Variants in SLC5A11 observed in about 807,000 individuals in gnomAD.
SLC5A11 encodes the protein sodium/myo-inositol cotransporter 2.
Under a neutral mutation model 69.8 loss-of-function variants are expected in SLC5A11, and 48 were observed. The ratio of observed to expected loss-of-function variants is 0.69; its 90% confidence interval spans 0.55 to 0.87. SLC5A11 has a LOEUF of 0.87. Among genes scored for constraint, SLC5A11 ranks in the 40% least tolerant of loss-of-function variants. The pLI is 0.00. For missense variants in SLC5A11, 784 were observed against 866.1 expected (o/e 0.91, Z 1.19); for synonymous variants, 319 against 342.4 (o/e 0.93, Z 0.75).
chr16:24,859,576 C>T (rs1454717618), intron 2 of SLC5A11, among the ~76,000 whole-genome samples: 1 of 152,086 alleles, frequency 6.6e-6, no homozygotes, highest in Non-Finnish European at 1.5e-5. Context: ...AGTACATAAG[C>T]GTGTGGTTCA....
At position 24,889,543 on chromosome 16, in the gene SLC5A11, A is replaced by ATTTTTTTTT. The variant is rs71156454; in HGVS notation, c.665-1307_665-1299dup. ...ATTAGACCTACTACAAGGTCTTACA[A>ATTTTTTTTT]TTTTTTTTTTTTTTTTTTTTTTTTT... On this transcript the variant is annotated intron_variant, in intron 8 of 15. Transcript: ENST00000347898. Among the ~76,000 whole-genome samples, 46 of 74,344 alleles carry ATTTTTTTTT rather than the reference A, an allele frequency of 6.2e-4. 7 individuals carry two copies. Among genetic ancestry groups the ATTTTTTTTT allele is most frequent in the African/African-American group, 2.5e-3 (45 of 18,140 alleles). 48.8% of individuals were successfully genotyped at this position (74,344 alleles called of 152,430 possible).
intron 7 of SLC5A11, among the ~76,000 whole-genome samples, chr16:24,881,901 A>G (rs1361187886): frequency 6.6e-6 from 1 of 152,200 alleles, no homozygotes; most frequent in Non-Finnish European, 1.5e-5. Flanking sequence ...AGGAAACAAA[A>G]TGAGCCTTAC....
At chr16:24,902,739 G>T (rs576422669) in intron 10 of SLC5A11, among the ~76,000 whole-genome samples, 1 of 152,018 alleles carries the variant, frequency 6.6e-6, no homozygotes, top group Admixed American at 6.6e-5. Context: ...GGGTTTCTCC[G>T]TGTTGGTCAG....
chr16:24,909,013 T>C, exon 14 of SLC5A11: 1 of 1,614,146 alleles, frequency 6.2e-7, no homozygotes, highest in Non-Finnish European at 8.5e-7. Context: ...TCACTACCTC[T>C]ACTTCTCCAT....
At chr16:24,872,576 C>T (rs959535943) in intron 5 of SLC5A11, among the ~76,000 whole-genome samples, 3 of 152,122 alleles carry the variant, frequency 2.0e-5, no homozygotes, top group African/African-American at 7.2e-5. Context: ...CAGGGTCTGG[C>T]TTTGTCCCCA....
intron 9 of SLC5A11, 50 bp from the exon 11 acceptor site, chr16:24,897,924 A>G (rs766237417): frequency 1.4e-5 from 22 of 1,601,140 alleles, no homozygotes; most frequent in Admixed American, 1.7e-5. Flanking sequence ...TGGGGACACA[A>G]CCAAACTATA....
At chr16:24,861,735 A>AAAAGAAAGAAAGAAAAAGAAGG (rs1708768837) in intron 2 of SLC5A11, among the ~76,000 whole-genome samples, 8 of 141,066 alleles carry the variant, frequency 5.7e-5, no homozygotes, top group Admixed American at 7.2e-5. Context: ...AGAAGAAAGA[A>AAAAGAAAGAAAGAAAAAGAAGG]AAAGAAAGAA....
chr16:24,860,951 C>T (rs2059744383), intron 2 of SLC5A11, among the ~76,000 whole-genome samples: 1 of 152,086 alleles, frequency 6.6e-6, no homozygotes, highest in South Asian at 2.1e-4. Flanking sequence ...TCGTGATCCG[C>T]CTGCCTCGGC....
At chr16:24,905,269 CAAAAAAAAAAAAAAAA>C (rs34703027) in intron 10 of SLC5A11, among the ~76,000 whole-genome samples, 1 of 80,428 alleles carries the variant, frequency 1.2e-5, no homozygotes, top group African/African-American at 5.1e-5. Flanking sequence ...ACTAAAAATA[CAAAAAAAAAAAAAAAA>C]AAAAAAAAAA....
intron 2 of SLC5A11, among the ~76,000 whole-genome samples, chr16:24,861,595 A>AAGGAAGGAAGGGAGGG (rs1201706720): frequency 2.8e-5 from 3 of 108,686 alleles, no homozygotes; most frequent in African/African-American, 8.2e-5. Context: ...AAGAGAAAGG[A>AAGGAAGGAAGGGAGGG]AGGAAGGAAG....
intron 3 of SLC5A11, among the ~76,000 whole-genome samples, chr16:24,868,147 A>G (rs1472489129): frequency 6.6e-6 from 1 of 151,786 alleles, no homozygotes; most frequent in East Asian, 1.9e-4. Context: ...AAAAAAAAAA[A>G]AAAAGTAAAG....
chr16:24,883,468 A>G (rs1416769720), intron 7 of SLC5A11, among the ~76,000 whole-genome samples: 1 of 152,218 alleles, frequency 6.6e-6, no homozygotes, highest in African/African-American at 2.4e-5. Context: ...GCTGTGTTAA[A>G]AAACCACCCA....
At chr16:24,855,155 C>T (rs2059472732) in intron 1 of SLC5A11, among the ~76,000 whole-genome samples, 1 of 151,988 alleles carries the variant, frequency 6.6e-6, no homozygotes, top group African/African-American at 2.4e-5. Flanking sequence ...TAATCTACTC[C>T]CTCTGCTATG....
chr16:24,867,189 C>A (rs1393460670), intron 3 of SLC5A11, among the ~76,000 whole-genome samples: 1 of 152,094 alleles, frequency 6.6e-6, no homozygotes, highest in Non-Finnish European at 1.5e-5. Context: ...TGTTGTCTAT[C>A]CACAGTGGAA....
At chr16:24,900,759 T>C (rs926592998) in intron 10 of SLC5A11, among the ~76,000 whole-genome samples, 5 of 151,740 alleles carry the variant, frequency 3.3e-5, no homozygotes, top group Non-Finnish European at 4.4e-5. Flanking sequence ...CCAAAAACAA[T>C]TTTTAAAAAT....
chr16:24,854,739 C>G (rs1314713225), intron 1 of SLC5A11, among the ~76,000 whole-genome samples: 1 of 151,954 alleles, frequency 6.6e-6, no homozygotes, highest in East Asian at 1.9e-4. Context: ...GCCTCCTCCC[C>G]TGTAAAGTCT....
chr16:24,909,118 G>C lies in SLC5A11; in HGVS notation c.1650+22G>C, dbSNP rs116855330. On this transcript the variant is annotated intron_variant, in intron 14 of 15. Coordinates refer to ENST00000347898, the Ensembl canonical transcript of SLC5A11. ...GATGGTACATTTGGGCTGATGGCTA[G>C]ATCCGTTGAGACTTTTTGTTGGAAG... The C allele has an allele frequency of 6.9e-4, 1,102 of 1,608,356 alleles. 14 individuals are homozygous for C. In the East Asian group the frequency reaches 0.022, roughly 32 times the overall value.
rs998682356 is a variant in SLC5A11 at position 24,849,428 on chromosome 16, G to A, written c.-25+2990G>A. On this transcript the variant is annotated intron_variant, in intron 1 of 15. Coordinates refer to ENST00000347898, the Ensembl canonical transcript of SLC5A11. ...CTAAAAACACAAAAATTAGCCAGGC[G>A]TGGTGACACATGCCTGTAATCCCAG... Among the ~76,000 whole-genome samples, 10 of 151,176 alleles carry A rather than the reference G, an allele frequency of 6.6e-5. No homozygotes were observed. The South Asian group carries it at 8.4e-4, about 13-fold the overall frequency.
chr16:24,869,842 G>A lies in SLC5A11; in HGVS notation c.208-59G>A, dbSNP rs573231054. On this transcript the variant is annotated intron_variant, in intron 3 of 15. Transcript: ENST00000347898. Reference sequence around the variant, plus strand: ...CTTTGGAGCATGGAAATAATTGGGGGTGGGGAGCAGGTACCCTTGACTTTG... The same window carrying A: ...CTTTGGAGCATGGAAATAATTGGGGATGGGGAGCAGGTACCCTTGACTTTG... The A allele has an allele frequency of 1.2e-5, 14 of 1,204,424 alleles. No homozygotes were observed. The South Asian group carries it at 1.7e-4, about 15-fold the overall frequency. The allele number at this position is 1,204,424 out of a possible 1,614,324, so 74.6% of individuals were successfully genotyped here.
Sources: gnomAD v4.1 joint callset for allele counts (sites outside exome capture counted in the v4.1 genomes callset) on GRCh38, gnomAD v4.1.1 for gene constraint, MANE v1.5 for transcripts, NCBI Gene and HGNC (gene_info 2026-07-23, HGNC 2026-07-21) for gene names.